BTBD16: variants seen among roughly 807,000 people sequenced by gnomAD.
BTBD16 encodes the protein BTB domain containing 16, also known as BTB/POZ domain-containing protein 16.
In BTBD16, 66 loss-of-function variants were observed where a neutral mutation model predicts 67.4. That is an observed-to-expected ratio of 0.98 (90% CI 0.80 to 1.20). The LOEUF is 1.20. Ranked by LOEUF, BTBD16 falls within the 50% of genes most tolerant of loss-of-function variation. The pLI is 0.00. For synonymous variants in BTBD16, 242 were observed against 236.4 expected, an observed-to-expected ratio of 1.02 and a Z score of -0.22; for missense variants, 634 against 616.0, an observed-to-expected ratio of 1.03 and a Z score of -0.31.
intron 10 of BTBD16, among the ~76,000 whole-genome samples, chr10:122,323,846 TG>T (rs2096439677): frequency 6.6e-6 from 1 of 152,204 alleles, no homozygotes. Flanking sequence ...ATGGTGGTCC[TG>T]GGGTTGACCT....
chr10:122,326,704 GC>G (rs2096445497), intron 10 of BTBD16, among the ~76,000 whole-genome samples: 1 of 152,156 alleles, frequency 6.6e-6, no homozygotes, highest in African/African-American at 2.4e-5. Context: ...CCAGGGTCTG[GC>G]AAGTAGGACC....
chr10:122,297,681 C>T, intron 7 of BTBD16, 87 bp from the exon 8 acceptor site: 1 of 1,444,240 alleles, frequency 6.9e-7, no homozygotes, highest in Non-Finnish European at 9.6e-7. Flanking sequence ...TGCTGCTGTC[C>T]TGGAGTTGAA....
intron 5 of BTBD16, chr10:122,287,519 C>T: frequency 1.0e-6 from 1 of 978,736 alleles, no homozygotes; most frequent in Non-Finnish European, 1.2e-6. Flanking sequence ...AATCCCAGTG[C>T]CCTGGACTGT....
At chr10:122,298,941 A>AGG (rs2096388648) in intron 8 of BTBD16, 63 bp from the exon 9 acceptor site, 1 of 1,593,572 alleles carries the variant, frequency 6.3e-7, no homozygotes, top group East Asian at 2.2e-5. Flanking sequence ...GTGTCGTCTC[A>AGG]GGCCAGCAGA....
rs148465592 is a variant in BTBD16, at chr10:122,335,602, G to A, written c.1263+623G>A. On this transcript the variant is annotated intron_variant, in intron 14 of 15. Coordinates refer to ENST00000260723, the MANE Select transcript of BTBD16 (RefSeq NM_144587.5). ...AGAAGGTAACAGGACATACCTCACC[G>A]GATTGTTGTGAGTTTAAATGTGTTA... Among the ~76,000 whole-genome samples, 346 of 152,318 alleles carry A rather than the reference G, an allele frequency of 2.3e-3. 1 individual carries two copies. The highest frequency in any genetic ancestry group is 0.01 in the Middle Eastern group (3 of 294).
At chr10:122,305,096 G>A (rs1564990169) in intron 9 of BTBD16, among the ~76,000 whole-genome samples, 1 of 152,204 alleles carries the variant, frequency 6.6e-6, no homozygotes, top group African/African-American at 2.4e-5. Flanking sequence ...TGGGTTGTAT[G>A]GCAAAGGAAA....
At chr10:122,308,634 C>CT (rs2096407852) in intron 10 of BTBD16, among the ~76,000 whole-genome samples, 3 of 152,138 alleles carry the variant, frequency 2.0e-5, no homozygotes, top group African/African-American at 7.2e-5. Context: ...TTGGCCCTCT[C>CT]CTTTCTCCAG....
chr10:122,328,305 G>A (rs1176600179), intron 10 of BTBD16, among the ~76,000 whole-genome samples: 2 of 152,276 alleles, frequency 1.3e-5, no homozygotes, highest in Non-Finnish European at 2.9e-5. Context: ...ACTCCTGAAA[G>A]CATCCGCCTG....
intron 10 of BTBD16, among the ~76,000 whole-genome samples, chr10:122,324,819 C>T (rs7080317): frequency 0.021 from 3,192 of 152,270 alleles, 67 homozygotes; most frequent in African/African-American, 0.062. Flanking sequence ...TTTCCACTTC[C>T]GCCATGTTGC....
intron 5 of BTBD16, among the ~76,000 whole-genome samples, chr10:122,287,237 GC>G (rs1351696202): frequency 6.6e-6 from 1 of 152,174 alleles, no homozygotes; most frequent in African/African-American, 2.4e-5. Flanking sequence ...GTCTTCAAGG[GC>G]CAGACTGGGC....
At chr10:122,327,549 C>T (rs892963620) in intron 10 of BTBD16, 30 of 980,966 alleles carry the variant, frequency 3.1e-5, no homozygotes, top group African/African-American at 1.9e-4. Context: ...TGGGCTGGGA[C>T]GGGACCCTGG....
At chr10:122,337,160 A>G (rs750705268) in intron 15 of BTBD16, among the ~76,000 whole-genome samples, 11 of 152,208 alleles carry the variant, frequency 7.2e-5, no homozygotes, top group Admixed American at 4.6e-4. Flanking sequence ...GCTTCTGACC[A>G]GAATAAGACT....
At chr10:122,310,772 C>T (rs111368935) in intron 10 of BTBD16, among the ~76,000 whole-genome samples, 22 of 152,236 alleles carry the variant, frequency 1.4e-4, no homozygotes, top group African/African-American at 4.8e-4. Context: ...ATGTTGAGGC[C>T]GTCACATTAT....
At chr10:122,306,725 A>T (rs1373958869) in intron 9 of BTBD16, among the ~76,000 whole-genome samples, 3 of 152,230 alleles carry the variant, frequency 2.0e-5, no homozygotes, top group Non-Finnish European at 2.9e-5. Flanking sequence ...AGTGTAATAT[A>T]TTAGAATTAA....
intron 10 of BTBD16, 101 bp downstream of exon 10, chr10:122,307,409 C>T (rs2096405583): frequency 3.2e-6 from 4 of 1,266,614 alleles, no homozygotes; most frequent in Non-Finnish European, 3.2e-6. Context: ...TATAATTTTT[C>T]ATAGCATCAT....
rs1311753923 is a variant in BTBD16 at position 122,325,458 on chromosome 10, C to T, written c.912-4022C>T. On this transcript the variant is annotated intron_variant, in intron 10 of 15. Coordinates refer to ENST00000260723, the MANE Select transcript of BTBD16 (RefSeq NM_144587.5). ...GACTTTGGGCAAGCACCCTAAGCAC[C>T]GTGCATGGAGGTAACAACACACACT... Among the ~76,000 whole-genome samples the T allele has an allele frequency of 3.3e-5, 5 of 152,180 alleles. No individual in the cohort carries two copies. In the South Asian group the frequency reaches 6.2e-4, roughly 19 times the overall value.
intron 10 of BTBD16, among the ~76,000 whole-genome samples, chr10:122,329,117 A>G (rs2096450493): frequency 6.6e-6 from 1 of 152,132 alleles, no homozygotes; most frequent in Admixed American, 6.5e-5. Flanking sequence ...CGTCTGCCCC[A>G]CAAGAAGTTT....
intron 3 of BTBD16, among the ~76,000 whole-genome samples, chr10:122,281,369 G>A (rs561116383): frequency 1.8e-4 from 27 of 152,076 alleles, no homozygotes; most frequent in African/African-American, 6.3e-4. Flanking sequence ...TCTATTTGTT[G>A]GGTGGATTTT....
chr10:122,335,115 C>T (rs1365219294), intron 14 of BTBD16, 136 bp downstream of exon 14: 2 of 536,420 alleles, frequency 3.7e-6, no homozygotes, highest in Non-Finnish European at 6.5e-6. Flanking sequence ...GCTAACCACG[C>T]TCATGTATGT....
Sources: allele counts gnomAD v4.1 joint callset (sites outside exome capture counted in the v4.1 genomes callset), GRCh38; gene constraint gnomAD v4.1.1; transcripts MANE v1.5; gene names NCBI Gene and HGNC (gene_info 2026-07-23, HGNC 2026-07-21).